The following GPHN variants were observed in gnomAD, a reference collection of about 807,000 sequenced individuals.
GPHN encodes the protein gephyrin.
GPHN carries 17 observed loss-of-function variants against 95.5 expected under a neutral mutation model. The observed-to-expected ratio is 0.18, with a 90% CI of 0.12 to 0.27. GPHN has a LOEUF of 0.27. Among genes scored for constraint, GPHN ranks in the 10% least tolerant of loss-of-function variants. The pLI, the probability that GPHN is intolerant of heterozygous loss-of-function variation, is 1.00. For missense variants in GPHN, 660 were observed against 978.1 expected (o/e 0.67, Z 4.34); for synonymous variants, 320 against 322.5 (o/e 0.99, Z 0.08).
chr14:67,422,595 C>T, the GPHN span, among the ~76,000 whole-genome samples: 1 of 152,200 alleles, frequency 6.6e-6, no homozygotes, highest in Non-Finnish European at 1.5e-5. Context: ...TGGGCCTGCC[C>T]AGACTGATCA....
chr14:67,579,559 T>C, the GPHN span: 4 of 702,916 alleles, frequency 5.7e-6, no homozygotes, highest in Non-Finnish European at 9.4e-6. Flanking sequence ...CTCACATCCC[T>C]CATGCACTGG....
chr14:67,150,658 A>C (rs117067994), intron 18 of GPHN, among the ~76,000 whole-genome samples: 1 of 152,072 alleles, frequency 6.6e-6, no homozygotes, highest in Non-Finnish European at 1.5e-5. Context: ...TGTAAATAAG[A>C]GAAAGAACAT....
At position 66,605,826 on chromosome 14, in the gene GPHN, C is replaced by T. The variant is rs537816571; in HGVS notation, c.65-75281C>T. Among the ~76,000 whole-genome samples, 6 of 152,174 alleles carry T rather than the reference C, an allele frequency of 3.9e-5. No individual in the cohort carries two copies. In the East Asian group the frequency reaches 1.2e-3, roughly 29 times the overall value. On this transcript the variant is annotated intron_variant, in intron 1 of 22. Coordinates refer to ENST00000478722, the MANE Select transcript of GPHN (RefSeq NM_020806.5). ...GGATTACAGGTGTGAGCCACCGCAC[C>T]TGGCCCCATTTTTTAAAGGAGTTAT...
rs892602490 is a variant in GPHN at position 67,132,585 on chromosome 14, G to A, written c.1748+10208G>A. 7.2e-5 allele frequency among the ~76,000 whole-genome samples: 11 copies of A among 151,916 alleles called. No individual in the cohort carries two copies. In the South Asian group the frequency reaches 1.7e-3, roughly 23 times the overall value. On this transcript the variant is annotated intron_variant, in intron 17 of 22. Transcript: ENST00000478722. ...GAACATTCTTTCTACCTTAACAAAC[G>A]TGTTTAATGACGAGAGGTTCTTTCC...
At chr14:66,853,148 A>G (rs962443799) in intron 4 of GPHN, among the ~76,000 whole-genome samples, 1 of 152,206 alleles carries the variant, frequency 6.6e-6, no homozygotes, top group African/African-American at 2.4e-5. Context: ...TCTAAATTTT[A>G]TGCTTTCAAT....
chr14:67,708,169 C>T, the GPHN span, among the ~76,000 whole-genome samples: 1 of 152,086 alleles, frequency 6.6e-6, no homozygotes, highest in African/African-American at 2.4e-5. Flanking sequence ...ATACTTTAGT[C>T]AATTGCTAAA....
chr14:67,143,502 G>C (rs1290923335), intron 18 of GPHN, 53 bp downstream of exon 18: 2 of 1,113,590 alleles, frequency 1.8e-6, no homozygotes, highest in East Asian at 2.4e-5. Context: ...TCTTGCATAT[G>C]GTCGATTAAC....
the GPHN span, among the ~76,000 whole-genome samples, chr14:67,436,242 A>G: frequency 6.6e-6 from 1 of 152,214 alleles, no homozygotes; most frequent in Non-Finnish European, 1.5e-5. Flanking sequence ...AATGCCCAGG[A>G]TGCCAGGCCA....
chr14:67,387,591 TAGAGAA>T, the GPHN span: 1 of 912,086 alleles, frequency 1.1e-6, no homozygotes, highest in Non-Finnish European at 1.6e-6. Context: ...GGTTTACAGT[TAGAGAA>T]TCCTATCAGA....
At chr14:67,474,018 C>G in the GPHN span, 1 of 1,423,954 alleles carries the variant, frequency 7.0e-7, no homozygotes, top group Non-Finnish European at 9.3e-7. Flanking sequence ...TTTGGGAGGC[C>G]GAGGCGGCGG....
chr14:67,631,646 G>A, the GPHN span, among the ~76,000 whole-genome samples: 1 of 151,948 alleles, frequency 6.6e-6, no homozygotes, highest in Non-Finnish European at 1.5e-5. Context: ...TGCCCAGGCT[G>A]GTGTTTAACT....
At chr14:67,459,270 G>A in the GPHN span, among the ~76,000 whole-genome samples, 2 of 151,944 alleles carry the variant, frequency 1.3e-5, no homozygotes, top group African/African-American at 4.8e-5. Context: ...CTGGCTTCAA[G>A]CAACCCTCCC....
chr14:66,983,203 G>A (rs1350952636), intron 9 of GPHN, among the ~76,000 whole-genome samples: 1 of 152,106 alleles, frequency 6.6e-6, no homozygotes, highest in Non-Finnish European at 1.5e-5. Flanking sequence ...GGTGAGCTGA[G>A]ATCATGCCAC....
At chr14:66,741,206 C>T (rs1050337012) in intron 2 of GPHN, among the ~76,000 whole-genome samples, 2 of 152,120 alleles carry the variant, frequency 1.3e-5, no homozygotes, top group Middle Eastern at 3.2e-3. Flanking sequence ...CAGTAAGCAA[C>T]TTTGAAGACG....
At chr14:67,612,757 T>C in the GPHN span, among the ~76,000 whole-genome samples, 1 of 151,946 alleles carries the variant, frequency 6.6e-6, no homozygotes, top group East Asian at 1.9e-4. Flanking sequence ...GCCAATGTGG[T>C]GAGACCCTCC....
chr14:66,866,335 T>C (rs999414689), intron 4 of GPHN, among the ~76,000 whole-genome samples: 2 of 152,138 alleles, frequency 1.3e-5, no homozygotes, highest in Non-Finnish European at 2.9e-5. Context: ...ACATATTCCA[T>C]ATATAAAAAT....
chr14:67,405,169 G>T, the GPHN span, among the ~76,000 whole-genome samples: 1 of 146,054 alleles, frequency 6.8e-6, no homozygotes, highest in African/African-American at 2.6e-5. Context: ...GGAAGTGGAG[G>T]TTGCAGTGAG....
At chr14:67,557,154 C>T in the GPHN span, 1 of 755,216 alleles carries the variant, frequency 1.3e-6, no homozygotes, top group South Asian at 1.8e-5. Context: ...TGGGTAAGGG[C>T]TGTGCCTGGG....
intron 3 of GPHN, among the ~76,000 whole-genome samples, chr14:66,802,258 A>G (rs999081906): frequency 1.3e-5 from 2 of 152,174 alleles, no homozygotes; most frequent in Non-Finnish European, 2.9e-5. Context: ...TCTCAGGCTT[A>G]TGGCGAGTAC....
Sources: gnomAD v4.1 joint callset for allele counts (sites outside exome capture counted in the v4.1 genomes callset) on GRCh38, gnomAD v4.1.1 for gene constraint, MANE v1.5 for transcripts, NCBI Gene and HGNC (gene_info 2026-07-23, HGNC 2026-07-21) for gene names.